The following CFAP65 variants were observed in gnomAD, a reference collection of about 807,000 sequenced individuals.
CFAP65 encodes the protein cilia and flagella associated protein 65.
Under a neutral mutation model 208.0 loss-of-function variants are expected in CFAP65, and 155 were observed. The observed-to-expected ratio is 0.75, with a 90% CI of 0.65 to 0.85. The LOEUF is 0.85. Ranked by LOEUF, CFAP65 falls within the 40% of genes least tolerant of loss-of-function variation. The probability of loss-of-function intolerance (pLI) is 0.00; values close to 1 mark genes in which losing one functional copy is unlikely to be tolerated. For synonymous variants in CFAP65, 970 were observed against 986.3 expected (o/e 0.98, Z 0.31); for missense variants, 2,294 against 2,451.3 (o/e 0.94, Z 1.36).
At chr2:219,005,789 G>A (rs997192957) in intron 31 of CFAP65, among the ~76,000 whole-genome samples, 1 of 152,094 alleles carries the variant, frequency 6.6e-6, no homozygotes, top group Non-Finnish European at 1.5e-5. Flanking sequence ...GAACAAAGAG[G>A]GGTAGGGGCT....
chr2:219,029,456 G>A lies in CFAP65; in HGVS notation c.1597C>T (p.Pro533Ser). ...ARMTLHCAFQ[P>S]THPIICFRRV... ...CGAAAGCAGATGATGGGGTGAGTGG[G>A]CTGGAAGGCACAGTGCAGGGTCATA... Residue 533 changes from proline (P) to serine (S), a missense_variant, in exon 11 of 35, where the codon CCC becomes TCC. Around this residue, in one of 2 missense-constraint regions of CFAP65, gnomAD observed 867 missense variants for 1,012.6 expected, o/e 0.86. Transcript: ENST00000341552. The A allele has an allele frequency of 6.2e-7, 1 of 1,614,114 alleles. No individual in the cohort carries two copies. The highest frequency in any genetic ancestry group is 1.3e-5 in the African/African-American group (1 of 75,046).
In CFAP65 at chr2:219,003,530, C is replaced by T. The variant is rs1168288743; in HGVS notation, c.5556-258G>A. On this transcript the variant is annotated intron_variant, in intron 33 of 34. Transcript: ENST00000341552. The surrounding 1 kb of genome is among the most constrained non-coding windows in gnomAD (Gnocchi z 4.4). Reference sequence around the variant, plus strand: ...GGCGATGTAGTAGGCATCTCAGGGCCAAGTTTAGAGAAAGGTAGGGAAGTG... The same window carrying T: ...GGCGATGTAGTAGGCATCTCAGGGCTAAGTTTAGAGAAAGGTAGGGAAGTG... 6.6e-6 allele frequency among the ~76,000 whole-genome samples: 1 copy of T among 152,092 alleles called. No individual in the cohort carries two copies. The highest frequency in any genetic ancestry group is 2.4e-5 in the African/African-American group (1 of 41,406).
intron 14 of CFAP65, among the ~76,000 whole-genome samples, chr2:219,025,368 C>G (rs1439838268): frequency 6.6e-6 from 1 of 152,096 alleles, no homozygotes; most frequent in Non-Finnish European, 1.5e-5. Context: ...CAGAATCAAC[C>G]CAAAGCACAT....
In CFAP65 at chr2:219,022,214, T is replaced by C. The variant is rs1947312524; in HGVS notation, c.2936A>G (p.Tyr979Cys). The C allele has an allele frequency of 3.1e-6, 5 of 1,606,622 alleles. No homozygotes were observed. The highest frequency in any genetic ancestry group is 4.2e-6 in the Non-Finnish European group (5 of 1,176,900). Reference sequence around the variant, plus strand: ...CCCAACGCCCACCAGCCGGAGCATGTAGTGGGTGGTGGCAGCGGGGTTGGC... The same window carrying C: ...CCCAACGCCCACCAGCCGGAGCATGCAGTGGGTGGTGGCAGCGGGGTTGGC... ...PNANPAATTH[Y>C]MLRLVGVGLT... Residue 979 changes from tyrosine to cysteine, a missense_variant, in exon 17 of 35, where the codon TAC (tyrosine) becomes TGC (cysteine). Transcript: ENST00000341552.
chr2:219,025,195 C>T (rs1028197200), intron 14 of CFAP65, among the ~76,000 whole-genome samples: 3 of 152,110 alleles, frequency 2.0e-5, no homozygotes, highest in African/African-American at 7.2e-5. Context: ...TGCATAAAGG[C>T]CACAACCCAC....
chr2:219,021,438 G>C (rs989082144), intron 18 of CFAP65, among the ~76,000 whole-genome samples, 158 bp from the exon 19 acceptor site: 2 of 152,156 alleles, frequency 1.3e-5, no homozygotes, highest in African/African-American at 4.8e-5. Flanking sequence ...GGGTCAGAGG[G>C]ACCACACCTA....
intron 22 of CFAP65, 23 bp downstream of exon 22, chr2:219,013,845 G>C: frequency 6.4e-7 from 1 of 1,562,414 alleles, no homozygotes; most frequent in Non-Finnish European, 8.7e-7. Context: ...GGAAGTGCAG[G>C]GGGTTTGGGG....
In CFAP65 at chr2:219,008,733, C is replaced by CA. The variant is rs200400692; in HGVS notation, c.4674+313dup. Among the ~76,000 whole-genome samples the CA allele has an allele frequency of 5.1e-3, 758 of 149,736 alleles. 2 individuals carry two copies. The highest frequency in any genetic ancestry group is 0.016 in the African/African-American group (663 of 40,672). On this transcript the variant is annotated intron_variant, in intron 29 of 34. Transcript: ENST00000341552. The stretch of plus-strand genomic sequence containing the variant: ...TGGGTGACCGAGTGAGACTCTGTCT[C>CA]AAAAAAAAATAAAAATAAAAATAAA...
At chr2:219,020,859 C>T (rs1354149917) in intron 19 of CFAP65, among the ~76,000 whole-genome samples, 1 of 152,252 alleles carries the variant, frequency 6.6e-6, no homozygotes, top group Non-Finnish European at 1.5e-5. Flanking sequence ...CTAGTAAGTA[C>T]TCCATTTTAC....
chr2:219,023,976 C>T (rs1175348805), intron 15 of CFAP65, 39 bp downstream of exon 15: 1 of 1,596,120 alleles, frequency 6.3e-7, no homozygotes, highest in East Asian at 2.2e-5. Context: ...GATTATGGCC[C>T]ATTCCCAAGG....
rs115172480 is a variant in CFAP65 at position 219,013,406 on chromosome 2, C to A, written c.3847-37G>T. 1.7e-3 allele frequency: 2,632 copies of A among 1,557,438 alleles called. 5 individuals carry two copies. Among genetic ancestry groups the A allele is most frequent in the Non-Finnish European group, 2.1e-3 (2,406 of 1,138,478 alleles). ...AGTTCCCCCGGAGGAACTGACACAG[C>A]CAGTGGAGATCTGGACCCCAGTTCC... On this transcript the variant is annotated intron_variant, in intron 23 of 34. Coordinates refer to ENST00000341552, the MANE Select transcript of CFAP65 (RefSeq NM_194302.4).
chr2:219,019,473 C>T (rs1367905067), intron 20 of CFAP65, 33 bp downstream of exon 20: 3 of 1,576,772 alleles, frequency 1.9e-6, no homozygotes, highest in Non-Finnish European at 2.6e-6. Context: ...GGCCCTGCCC[C>T]CAGCCCCCAC....
chr2:219,035,293 C>G, intron 5 of CFAP65, 187 bp downstream of exon 5: 2 of 1,511,852 alleles, frequency 1.3e-6, no homozygotes, highest in Non-Finnish European at 1.8e-6. Flanking sequence ...CATTGGGACA[C>G]TATACCACAA....
In CFAP65 at chr2:219,030,047, G is replaced by C. The variant is rs776869337; in HGVS notation, c.1323C>G (p.Cys441Trp). The C allele has an allele frequency of 6.2e-7, 1 of 1,614,118 alleles. No individual in the cohort carries two copies. The highest frequency in any genetic ancestry group is 8.5e-7 in the Non-Finnish European group (1 of 1,180,004). ...AGGCACAGCCAGAAGGCATGATGGAGCAGTAGTCCACAGTTCTGGTGTCCA... is the reference window on the plus strand; with the variant it reads ...AGGCACAGCCAGAAGGCATGATGGACCAGTAGTCCACAGTTCTGGTGTCCA... Reference protein sequence around the residue: ...KTLDTRTVDYCSIMPSGCASK... With the variant: ...KTLDTRTVDYWSIMPSGCASK... The change falls in exon 10 of 35, where the codon TGC becomes TGG. Residue 441 changes from cysteine to tryptophan, a missense_variant. Cys to Trp is a radical substitution (Grantham distance 215, BLOSUM62 -2). Transcript: ENST00000341552.
At chr2:219,029,921 G>T in intron 10 of CFAP65, 65 bp downstream of exon 10, 1 of 1,486,178 alleles carries the variant, frequency 6.7e-7, no homozygotes, top group Non-Finnish European at 9.3e-7. Context: ...CAGGGAAGGA[G>T]CTCTTCAGAA....
chr2:219,019,851 C>CTAGGGCTCTA, intron 19 of CFAP65, 132 bp from the exon 20 acceptor site: 1 of 676,406 alleles, frequency 1.5e-6, no homozygotes, highest in South Asian at 1.8e-5. Flanking sequence ...GGACCCCTCT[C>CTAGGGCTCTA]GGGCTCTAGG....
chr2:219,036,260 G>A (rs1226746888), intron 4 of CFAP65, among the ~76,000 whole-genome samples: 1 of 152,138 alleles, frequency 6.6e-6, no homozygotes, highest in African/African-American at 2.4e-5. Context: ...TGCTAGTGCT[G>A]CCATGTGCGG....
rs1350275779 is a variant in CFAP65 at position 219,040,577 on chromosome 2, A to G, written c.-48-13T>C. The G allele has an allele frequency of 6.4e-7, 1 of 1,552,000 alleles. No individual in the cohort carries two copies. Among genetic ancestry groups the G allele is most frequent in the Non-Finnish European group, 8.7e-7 (1 of 1,146,880 alleles). On this transcript the variant is annotated splice_polypyrimidine_tract_variant and intron_variant, in intron 1 of 34. Coordinates refer to ENST00000341552, the MANE Select transcript of CFAP65 (RefSeq NM_194302.4). ...AAAGAAATGTAAGCTGAGGAGACAC[A>G]GAGAGAGTCCATTACTTTTCTGCCA...
chr2:219,020,507 A>T (rs796615825), intron 19 of CFAP65, among the ~76,000 whole-genome samples: 8 of 152,256 alleles, frequency 5.3e-5, no homozygotes, highest in African/African-American at 1.9e-4. Flanking sequence ...CAGCCTCCCA[A>T]GTAGCTAGGA....
Sources: gnomAD v4.1 joint callset for allele counts (sites outside exome capture counted in the v4.1 genomes callset) on GRCh38, gnomAD v4.1.1 for gene constraint, gnomAD v4.1.1 regional missense constraint, Gnocchi (gnomAD v3.1) non-coding constraint, MANE v1.5 for transcripts, NCBI Gene and HGNC (gene_info 2026-07-23, HGNC 2026-07-21) for gene names.